The following LYRM4 variants were observed in gnomAD, a reference collection of about 807,000 sequenced individuals.
LYRM4 encodes the protein LYR motif containing 4.
LYRM4 carries 9 observed loss-of-function variants against 11.7 expected under a neutral mutation model. That is an observed-to-expected ratio of 0.77 (90% CI 0.46 to 1.34). The LOEUF (loss-of-function observed/expected upper bound fraction) is 1.34, where lower values mean the gene tolerates loss of function less well. LYRM4 is among the 40% of genes most tolerant of loss of function. The pLI is 0.00. For synonymous variants in LYRM4, 42 were observed against 40.4 expected (o/e 1.04, Z -0.15); for missense variants, 133 against 112.5 (o/e 1.18, Z -0.82).
downstream of LYRM4, among the ~76,000 whole-genome samples, chr6:5,100,957 C>G (rs910140177): frequency 6.6e-6 from 1 of 152,204 alleles, no homozygotes; most frequent in Non-Finnish European, 1.5e-5. Context: ...GACACTGCCC[C>G]GTCCTCTGCC....
intron 2 of LYRM4, among the ~76,000 whole-genome samples, chr6:5,160,974 C>G (rs1758726026): frequency 6.6e-6 from 1 of 152,196 alleles, no homozygotes; most frequent in Admixed American, 6.5e-5. Flanking sequence ...AGTCTAACTG[C>G]TCTGGACTTC....
At chr6:5,147,352 T>C (rs966490177) in intron 2 of LYRM4, among the ~76,000 whole-genome samples, 1 of 152,238 alleles carries the variant, frequency 6.6e-6, no homozygotes, top group Non-Finnish European at 1.5e-5. Context: ...ACTGATGTCA[T>C]ATTTTAACCT....
downstream of LYRM4, chr6:5,103,760 G>T (rs1396156567): frequency 1.3e-5 from 2 of 149,968 alleles, no homozygotes; most frequent in East Asian, 2.0e-4. Flanking sequence ...TCAGTCTCCT[G>T]AGTAGCTGGG....
chr6:5,218,223 G>A (rs1762389232), intron 1 of LYRM4: 2 of 982,438 alleles, frequency 2.0e-6, no homozygotes, highest in African/African-American at 3.5e-5. Context: ...TCTTCTTAAT[G>A]ATCACAGACT....
At chr6:5,113,079 C>A in intron 2 of LYRM4, 1 of 202,000 alleles carries the variant, frequency 5.0e-6, no homozygotes, top group Non-Finnish European at 1.0e-5. Flanking sequence ...ACCTTGTCTT[C>A]AGGTCAAGGC....
At position 5,260,934 on chromosome 6, in the gene LYRM4, G is replaced by C. The variant is rs1402823172; in HGVS notation, c.-201C>G. The C allele has an allele frequency of 7.4e-7, 1 of 1,352,638 alleles. No individual in the cohort carries two copies. Among genetic ancestry groups the C allele is most frequent in the Non-Finnish European group, 9.5e-7 (1 of 1,056,994 alleles). The allele number at this position is 1,352,638 out of a possible 1,614,324, so 83.8% of individuals were successfully genotyped here. The stretch of plus-strand genomic sequence containing the variant: ...AGGCGTCCCGCGCCGCTTCGGGGGC[G>C]GGCGCAGGCAGGGCTCGGGGCAGCT... On this transcript the variant is annotated 5_prime_UTR_variant, in exon 1 of 3. Transcript: ENST00000330636.
chr6:5,248,933 G>A (rs1446917790), intron 1 of LYRM4, among the ~76,000 whole-genome samples: 1 of 152,226 alleles, frequency 6.6e-6, no homozygotes, highest in Non-Finnish European at 1.5e-5. Flanking sequence ...CATCAAACAA[G>A]CATCATATCA....
At chr6:5,120,614 T>G (rs186395220) in intron 2 of LYRM4, among the ~76,000 whole-genome samples, 1 of 152,220 alleles carries the variant, frequency 6.6e-6, no homozygotes, top group African/African-American at 2.4e-5. Flanking sequence ...TATTTGTCTC[T>G]GCCCATGTCC....
At chr6:5,151,604 A>G (rs73717696) in intron 2 of LYRM4, among the ~76,000 whole-genome samples, 15,432 of 152,160 alleles carry the variant, frequency 0.1, 969 homozygotes, top group South Asian at 0.23. Flanking sequence ...TCAATTCGCC[A>G]AGCATTTTAT....
chr6:5,181,803 C>T (rs1760092244), intron 2 of LYRM4, among the ~76,000 whole-genome samples: 2 of 152,218 alleles, frequency 1.3e-5, no homozygotes, highest in African/African-American at 4.8e-5. Flanking sequence ...TCCAGCTTCA[C>T]CTCTTACCAG....
At chr6:5,102,643 C>G (rs2127589528), downstream of LYRM4, 1 of 152,354 alleles carries the variant, frequency 6.6e-6, no homozygotes. Flanking sequence ...CGGACCATTT[C>G]TAGGCAGGTA....
chr6:5,144,165 G>T (rs764800709), intron 2 of LYRM4: 30 of 1,536,658 alleles, frequency 2.0e-5, no homozygotes, highest in Non-Finnish European at 2.5e-5. Flanking sequence ...GCAAACGTCT[G>T]TCAGGTGGTT....
chr6:5,216,957 C>G (rs1251930471), intron 1 of LYRM4, among the ~76,000 whole-genome samples: 3 of 152,220 alleles, frequency 2.0e-5, no homozygotes, highest in Non-Finnish European at 2.9e-5. Context: ...AAGTCACATA[C>G]AAATGGCAAA....
chr6:5,230,886 G>C (rs1321930582), intron 1 of LYRM4, among the ~76,000 whole-genome samples: 1 of 152,110 alleles, frequency 6.6e-6, no homozygotes, highest in Non-Finnish European at 1.5e-5. Flanking sequence ...GATGAACTCA[G>C]CACAAAAATG....
intron 2 of LYRM4, among the ~76,000 whole-genome samples, chr6:5,118,864 T>G (rs1763270284): frequency 1.3e-5 from 2 of 152,218 alleles, no homozygotes; most frequent in Non-Finnish European, 2.9e-5. Flanking sequence ...ACATAACCTT[T>G]TTTCTTTCTA....
chr6:5,086,594 G>A, the LYRM4 span: 1 of 1,448,436 alleles, frequency 6.9e-7, no homozygotes, highest in Non-Finnish European at 9.1e-7. Context: ...CGTGGGGCGG[G>A]GTTGATTAGC....
chr6:5,158,349 A>G (rs1199242450), intron 2 of LYRM4, among the ~76,000 whole-genome samples: 1 of 152,176 alleles, frequency 6.6e-6, no homozygotes, highest in Non-Finnish European at 1.5e-5. Context: ...CACTGAATGC[A>G]CTGTCACAAA....
In LYRM4 at chr6:5,253,296, A is replaced by G. The variant is rs74818349; in HGVS notation, c.86+7352T>C. 1.8e-4 allele frequency among the ~76,000 whole-genome samples: 28 copies of G among 152,346 alleles called. 1 individual carries two copies. In the East Asian group the frequency reaches 5.2e-3, roughly 28 times the overall value. On this transcript the variant is annotated intron_variant, in intron 1 of 2. Transcript: ENST00000330636. The stretch of plus-strand genomic sequence containing the variant: ...GAATATAATTTTCTCTTGCATTTCA[A>G]CAATGAATATTTATTATGTTGGTGC...
Position 5,108,665 on chromosome 6 carries a change from T to C in LYRM4, c.*758A>G, listed in dbSNP as rs138909238. On this transcript the variant is annotated 3_prime_UTR_variant, in exon 3 of 3. Coordinates refer to ENST00000330636, the MANE Select transcript of LYRM4 (RefSeq NM_020408.6). Reference sequence around the variant, plus strand: ...ATTTGGGCACCGGTGCTGCCCAGCATGCCCCAGGCTTCAGGGTATGGGAGT... The same window carrying C: ...ATTTGGGCACCGGTGCTGCCCAGCACGCCCCAGGCTTCAGGGTATGGGAGT... 254 of 589,780 alleles carry C rather than the reference T, an allele frequency of 4.3e-4. 1 individual carries two copies. In the African/African-American group the frequency reaches 4.9e-3, roughly 11 times the overall value. The allele number at this position is 589,780 out of a possible 1,614,324, so 36.5% of individuals were successfully genotyped here. A position where few individuals can be genotyped will look rare whatever the true frequency, so the allele number is the denominator to read the frequency against.
Sources: gnomAD v4.1 joint callset for allele counts (sites outside exome capture counted in the v4.1 genomes callset) on GRCh38, gnomAD v4.1.1 for gene constraint, MANE v1.5 for transcripts, NCBI Gene and HGNC (gene_info 2026-07-23, HGNC 2026-07-21) for gene names.